SFXN1: variants seen among roughly 807,000 people sequenced by gnomAD.
SFXN1 encodes the protein sideroflexin 1.
SFXN1 carries 32 observed loss-of-function variants against 39.5 expected under a neutral mutation model. The ratio of observed to expected loss-of-function variants is 0.81; its 90% CI spans 0.61 to 1.09. The LOEUF (loss-of-function observed/expected upper bound fraction) is 1.09, where lower values mean the gene tolerates loss of function less well. SFXN1 is among the 50% of genes least tolerant of loss of function. The pLI is 0.00. For missense variants in SFXN1, 402 were observed against 407.1 expected (o/e 0.99, Z 0.11); for synonymous variants, 136 against 146.5 (o/e 0.93, Z 0.52).
chr5:175,508,997 AT>A (rs1250582621), intron 2 of SFXN1, 34 bp from the exon 3 acceptor site: 1 of 1,571,932 alleles, frequency 6.4e-7, no homozygotes, highest in Non-Finnish European at 8.6e-7. Flanking sequence ...GATATTTGAA[AT>A]GAGCAATTGC....
chr5:175,480,718 C>T (rs532165822), intron 1 of SFXN1, among the ~76,000 whole-genome samples: 1 of 152,174 alleles, frequency 6.6e-6, no homozygotes, highest in African/African-American at 2.4e-5. Flanking sequence ...GAGAGGACAG[C>T]CTGGACAGCA....
intron 2 of SFXN1, among the ~76,000 whole-genome samples, chr5:175,505,008 A>G (rs1316425): frequency 0.25 from 38,359 of 152,062 alleles, 6,753 homozygotes; most frequent in African/African-American, 0.5. Context: ...GATTACAGGC[A>G]TGAGCCATCG....
intron 1 of SFXN1, among the ~76,000 whole-genome samples, chr5:175,482,311 C>T (rs1225877777): frequency 6.6e-6 from 1 of 152,200 alleles, no homozygotes; most frequent in Non-Finnish European, 1.5e-5. Flanking sequence ...ACGCAGTTAT[C>T]ATTGGTACTC....
chr5:175,522,584 C>T lies in SFXN1; in HGVS notation c.872+162C>T, dbSNP rs1434483862. 5 of 570,794 alleles carry T rather than the reference C, an allele frequency of 8.8e-6. No individual in the cohort carries two copies. The South Asian group carries it at 1.1e-4, about 13-fold the overall frequency. 35.4% of individuals were successfully genotyped at this position (570,794 alleles called of 1,614,324 possible). ...GAAGGGATGGAGGCAGAAATCAAAC[C>T]CACATCTGTCTAATTTCAGATGCAC... On this transcript the variant is annotated intron_variant, in intron 10 of 10. Transcript: ENST00000321442.
Position 175,487,175 on chromosome 5 carries a change from C to T in SFXN1, c.-9-4920C>T, listed in dbSNP as rs542042021. 5.0e-4 allele frequency among the ~76,000 whole-genome samples: 76 copies of T among 152,320 alleles called. 1 individual carries two copies. The highest frequency in any genetic ancestry group is 1.7e-3 in the African/African-American group (71 of 41,572). The stretch of plus-strand genomic sequence containing the variant: ...GTCCGTCCAGCATGAAGTCCACACC[C>T]AGAGCCATGCTGAATCCCACGCCCA... On this transcript the variant is annotated intron_variant, in intron 1 of 10. Transcript: ENST00000321442.
chr5:175,492,300 A>G (rs375567107), intron 2 of SFXN1, 33 bp downstream of exon 2: 1 of 1,530,968 alleles, frequency 6.5e-7, no homozygotes, highest in Non-Finnish European at 8.8e-7. Context: ...GGTTTAATGT[A>G]TAAATAGATC....
intron 1 of SFXN1, among the ~76,000 whole-genome samples, chr5:175,486,253 C>G (rs1245231550): frequency 3.3e-5 from 5 of 152,294 alleles, no homozygotes; most frequent in Middle Eastern, 3.4e-3. Context: ...AGAAAAATGG[C>G]TAGAAAAGAG....
intron 2 of SFXN1, among the ~76,000 whole-genome samples, chr5:175,493,600 A>G (rs1759745459): frequency 6.6e-6 from 1 of 152,282 alleles, no homozygotes. Context: ...CAAAAGCCGT[A>G]GAAAGCAGAG....
In SFXN1 at chr5:175,528,772, A is replaced by G. The variant is rs1761153107; in HGVS notation, c.*2038A>G. On this transcript the variant is annotated 3_prime_UTR_variant, in exon 11 of 11. Coordinates refer to ENST00000321442, the MANE Select transcript of SFXN1 (RefSeq NM_022754.7). ...TTCCCATGACATTCTGGCCTTGGAC[A>G]GATTCTGTTGTCCTCGACGCGTCTC... is the stretch of plus-strand genomic sequence containing the variant. 6.6e-6 allele frequency: 1 copy of G among 152,198 alleles called. No homozygotes were observed. The highest frequency in any genetic ancestry group is 1.5e-5 in the Non-Finnish European group (1 of 68,046). The allele number at this position is 152,198 out of a possible 1,614,324, so 9.4% of individuals were successfully genotyped here.
At position 175,486,793 on chromosome 5, in the gene SFXN1, A is replaced by ATAAC. The variant is rs1303349784; in HGVS notation, c.-9-5299_-9-5298insCTAA. 6.6e-5 allele frequency among the ~76,000 whole-genome samples: 10 copies of ATAAC among 152,272 alleles called. No homozygotes were observed. The East Asian group carries it at 1.9e-3, about 29-fold the overall frequency. Reference sequence around the variant, plus strand: ...ACCCTGTCTCAAAATAAATAAATAAATAATAAAGTAACCAATTCTAAAATG... The same window carrying ATAAC: ...ACCCTGTCTCAAAATAAATAAATAAATAACTAATAAAGTAACCAATTCTAAAATG... On this transcript the variant is annotated intron_variant, in intron 1 of 10. Coordinates refer to ENST00000321442, the MANE Select transcript of SFXN1 (RefSeq NM_022754.7).
intron 8 of SFXN1, among the ~76,000 whole-genome samples, chr5:175,519,600 A>T (rs984717563): frequency 1.3e-5 from 2 of 152,244 alleles, no homozygotes; most frequent in African/African-American, 4.8e-5. Flanking sequence ...ATGTAAACTA[A>T]TATCTAGTGA....
rs755043506 is a variant in SFXN1 at position 175,511,410 on chromosome 5, C to T, written c.435-41C>T. 5.1e-5 allele frequency: 76 copies of T among 1,482,838 alleles called. 3 individuals are homozygous for T. The South Asian group carries it at 8.6e-4, about 17-fold the overall frequency. 91.9% of individuals were successfully genotyped at this position (1,482,838 alleles called of 1,614,324 possible). On this transcript the variant is annotated intron_variant, in intron 4 of 10. Coordinates refer to ENST00000321442, the MANE Select transcript of SFXN1 (RefSeq NM_022754.7). ...ATAATGTTGCACCAGAGTTTCCTGA[C>T]ATGCCCTCGTCGTCCACACGATATC...
intron 4 of SFXN1, 30 bp downstream of exon 4, chr5:175,510,237 C>T (rs1760466976): frequency 1.3e-6 from 2 of 1,555,444 alleles, no homozygotes; most frequent in African/African-American, 1.4e-5. Context: ...CCACTCTCTG[C>T]AGTTCTTCAA....
chr5:175,527,172 G>A lies in SFXN1; in HGVS notation c.*438G>A. ...TCAAGGAGATCTCAGCAGTGAACTG[G>A]GAAAATACAAAAGCTCTGGGCTAAT... On this transcript the variant is annotated 3_prime_UTR_variant, in exon 11 of 11. Transcript: ENST00000321442. 1 of 156,484 alleles carries A rather than the reference G, an allele frequency of 6.4e-6. No homozygotes were observed. The highest frequency in any genetic ancestry group is 6.2e-5 in the Admixed American group (1 of 16,154). The allele number at this position is 156,484 out of a possible 1,614,324, so 9.7% of individuals were successfully genotyped here.
intron 2 of SFXN1, among the ~76,000 whole-genome samples, chr5:175,496,048 G>A (rs1250297796): frequency 6.6e-5 from 10 of 150,676 alleles, no homozygotes; most frequent in Non-Finnish European, 1.3e-4. Flanking sequence ...TTACAGGCAC[G>A]CACCACCACA....
intron 1 of SFXN1, among the ~76,000 whole-genome samples, chr5:175,484,565 C>T (rs1408754539): frequency 2.0e-5 from 3 of 152,246 alleles, no homozygotes; most frequent in Admixed American, 1.3e-4. Context: ...AAGGGTGCAC[C>T]CTGGGGATCC....
intron 7 of SFXN1, among the ~76,000 whole-genome samples, chr5:175,514,632 C>T (rs969928259): frequency 3.3e-5 from 5 of 152,156 alleles, no homozygotes; most frequent in Admixed American, 2.0e-4. Context: ...TACTGTTTTG[C>T]GGTTTTTAAA....
chr5:175,526,501 C>T (rs551013901), intron 10 of SFXN1, 137 bp from the exon 11 acceptor site: 2 of 657,872 alleles, frequency 3.0e-6, no homozygotes, highest in East Asian at 2.6e-5. Flanking sequence ...GTTTTCTAGC[C>T]GCATGAAGCA....
At chr5:175,519,027 C>A (rs1056800266) in intron 8 of SFXN1, among the ~76,000 whole-genome samples, 10 of 152,284 alleles carry the variant, frequency 6.6e-5, no homozygotes, top group African/African-American at 2.4e-4. Context: ...ACATAAAGGA[C>A]CCTCAACACT....
Sources: gnomAD v4.1 joint callset for allele counts (sites outside exome capture counted in the v4.1 genomes callset) on GRCh38, gnomAD v4.1.1 for gene constraint, MANE v1.5 for transcripts, NCBI Gene and HGNC (gene_info 2026-07-23, HGNC 2026-07-21) for gene names.